The following NRP2 variants were observed in gnomAD, a reference collection of about 807,000 sequenced individuals.
NRP2 encodes neuropilin-2.
NRP2 carries 52 observed loss-of-function variants against 110.4 expected under a neutral mutation model. That is an observed-to-expected ratio of 0.47 (90% CI 0.38 to 0.59). The LOEUF is 0.59. Among genes scored for constraint, NRP2 ranks in the 20% least tolerant of loss-of-function variants. The pLI is 0.00. For synonymous variants in NRP2, 508 were observed against 468.9 expected (o/e 1.08, Z -1.08); for missense variants, 1,049 against 1,203.0 (o/e 0.87, Z 1.89).
chr2:205,695,337 G>A (rs1182995347), intron 1 of NRP2, among the ~76,000 whole-genome samples: 1 of 152,194 alleles, frequency 6.6e-6, no homozygotes, highest in Admixed American at 6.5e-5. Context: ...TTCTGCTGTA[G>A]ATGAGAAATT....
At chr2:205,758,385 G>T (rs918193169) in intron 12 of NRP2, among the ~76,000 whole-genome samples, 1 of 152,196 alleles carries the variant, frequency 6.6e-6, no homozygotes, top group Admixed American at 6.5e-5. Context: ...TTATTTCAGG[G>T]TTTGGTGAGG....
At chr2:205,715,285 T>G (rs142582908) in intron 2 of NRP2, among the ~76,000 whole-genome samples, 4 of 152,270 alleles carry the variant, frequency 2.6e-5, no homozygotes, top group Non-Finnish European at 5.9e-5. Context: ...CACCTTCCCA[T>G]GAACGGAGCC....
At position 205,794,938 on chromosome 2, in the gene NRP2, T is replaced by C; in HGVS notation, c.2661T>C (p.Cys887=). Residue 887 remains cysteine (C), a synonymous_variant, in exon 17 of 17, where the codon TGT becomes TGC. Coordinates refer to ENST00000357785, the MANE Select transcript of NRP2 (RefSeq NM_003872.3). ...TCAGLLLYCT[C]SYSGLSSRSC... ...CAGGCCTCCTGCTCTACTGCACCTG[T>C]TCCTACTCGGGCCTGAGCTCCCGAA... is the stretch of plus-strand genomic sequence containing the variant. The C allele has an allele frequency of 6.2e-7, 1 of 1,614,124 alleles. No individual in the cohort carries two copies.
intron 7 of NRP2, among the ~76,000 whole-genome samples, chr2:205,729,983 G>A (rs550293020): frequency 2.3e-3 from 351 of 152,136 alleles, no homozygotes; most frequent in Non-Finnish European, 3.8e-3. Context: ...TGAATTAGTC[G>A]TGCCCAAATA....
At chr2:205,756,947 A>G (rs1275802672) in intron 12 of NRP2, 2 of 152,212 alleles carry the variant, frequency 1.3e-5, no homozygotes, top group Non-Finnish European at 2.9e-5. Flanking sequence ...GTCAATAATC[A>G]TCATCATTGT....
intron 12 of NRP2, chr2:205,761,538 C>T (rs545337498): frequency 6.6e-6 from 1 of 152,308 alleles, no homozygotes; most frequent in African/African-American, 2.4e-5. Context: ...ATTAATGTTG[C>T]ATGTGCCAGA....
chr2:205,683,511 A>G (rs2056064135), intron 1 of NRP2, 148 bp downstream of exon 1: 3 of 686,646 alleles, frequency 4.4e-6, no homozygotes, highest in African/African-American at 1.8e-5. Context: ...GGCCCTTCCT[A>G]CACCACCACG....
chr2:205,765,523 T>C lies in NRP2; in HGVS notation c.2357T>C (p.Ile786Thr). The C allele has an allele frequency of 1.2e-6, 2 of 1,614,158 alleles. No individual in the cohort carries two copies. The highest frequency in any genetic ancestry group is 1.7e-6 in the Non-Finnish European group (2 of 1,180,022). The change falls in exon 14 of 17, where the codon ATT becomes ACT. Residue 786 changes from isoleucine (I) to threonine (T), a missense_variant. By Grantham distance (89) the Ile-to-Thr change is moderately conservative. Transcript: ENST00000357785. ...IGKGRSGEIA[I>T]DDIRISTDVP... ...AAAGGACGTTCCGGAGAGATTGCCA[T>C]TGATGACATTCGGATAAGCACTGAT...
Position 205,766,827 on chromosome 2 carries a change from A to T in NRP2, c.2425+24A>T, listed in dbSNP as rs1180835963. ...AGGTGAGAATTTTAAAGGTAAAAAAAAATTTTTTTTTTGCATGCTTTTTCC... is the reference window on the plus strand; with the variant it reads ...AGGTGAGAATTTTAAAGGTAAAAAATAATTTTTTTTTTGCATGCTTTTTCC... On this transcript the variant is annotated intron_variant, in intron 15 of 16. Coordinates refer to ENST00000357785, the MANE Select transcript of NRP2 (RefSeq NM_003872.3). 22 of 1,609,840 alleles carry T rather than the reference A, an allele frequency of 1.4e-5. No individual in the cohort carries two copies. The highest frequency in any genetic ancestry group is 1.7e-5 in the Non-Finnish European group (20 of 1,179,272).
intron 10 of NRP2, among the ~76,000 whole-genome samples, chr2:205,747,320 C>A (rs1227624793): frequency 2.0e-5 from 3 of 152,180 alleles, no homozygotes; most frequent in East Asian, 3.8e-4. Context: ...GGCTGCATAA[C>A]CTCAGAAAAG....
At chr2:205,698,507 T>G (rs371458859) in intron 2 of NRP2, among the ~76,000 whole-genome samples, 1 of 152,130 alleles carries the variant, frequency 6.6e-6, no homozygotes, top group African/African-American at 2.4e-5. Flanking sequence ...CCTGGAAATG[T>G]GTGGCTTAGG....
At position 205,725,959 on chromosome 2, in the gene NRP2, T is replaced by C; in HGVS notation, c.867T>C (p.Ala289=). The C allele has an allele frequency of 6.2e-7, 1 of 1,614,168 alleles. No homozygotes were observed. Among genetic ancestry groups the C allele is most frequent in the Non-Finnish European group, 8.5e-7 (1 of 1,180,012 alleles). ...TGGGCATGGAGTCTGGCCGGATTGC[T>C]AATGAACAGATCAGTGCCTCATCTA... ...VPLGMESGRI[A]NEQISASSTY... is the part of the protein sequence containing the mutation. Residue 289 remains alanine (A), a synonymous_variant, in exon 6 of 17, where the codon GCT becomes GCC. Transcript: ENST00000357785. The surrounding 1 kb of genome is among the most constrained non-coding windows in gnomAD (Gnocchi z 4.1).
chr2:205,765,371 C>A (rs200351644), intron 13 of NRP2, 103 bp from the exon 14 acceptor site: 2 of 772,206 alleles, frequency 2.6e-6, no homozygotes, highest in Middle Eastern at 2.4e-4. Flanking sequence ...CACACACATA[C>A]ACACACACGC....
chr2:205,740,550 T>C lies in NRP2; in HGVS notation c.1178T>C (p.Val393Ala). ...VFQANNDATE[V>A]VLNKLHAPLL... ...CAAGCCAACAACGATGCAACTGAGG[T>C]GGTTCTGAACAAGCTCCACGCTCCA... Residue 393 changes from valine to alanine, a missense_variant, in exon 8 of 17, where the codon GTG (valine) becomes GCG (alanine). Val to Ala is a moderately conservative substitution (Grantham distance 64). Coordinates refer to ENST00000357785, the MANE Select transcript of NRP2 (RefSeq NM_003872.3). 6.2e-7 allele frequency: 1 copy of C among 1,614,194 alleles called. No individual in the cohort carries two copies. Among genetic ancestry groups the C allele is most frequent in the Non-Finnish European group, 8.5e-7 (1 of 1,180,044 alleles).
At chr2:205,723,660 T>A in intron 4 of NRP2, 125 bp from the exon 5 acceptor site, 4 of 986,084 alleles carry the variant, frequency 4.1e-6, no homozygotes, top group Admixed American at 2.0e-5. Flanking sequence ...TATCTTTGGT[T>A]TTTATGGCAA....
intron 16 of NRP2, among the ~76,000 whole-genome samples, chr2:205,794,257 C>T (rs903030418): frequency 6.6e-6 from 1 of 152,084 alleles, no homozygotes; most frequent in African/African-American, 2.4e-5. Context: ...ACTACAGGCG[C>T]CCGCCACCAC....
At chr2:205,781,920 G>T (rs1038620180) in intron 15 of NRP2, among the ~76,000 whole-genome samples, 1 of 152,146 alleles carries the variant, frequency 6.6e-6, no homozygotes, top group African/African-American at 2.4e-5. Flanking sequence ...ATAGAGGTCA[G>T]ATACAATCAG....
chr2:205,739,080 A>G (rs2057395195), intron 7 of NRP2, among the ~76,000 whole-genome samples: 2 of 152,140 alleles, frequency 1.3e-5, no homozygotes, highest in Admixed American at 6.5e-5. Context: ...GCTCTTTGCC[A>G]TTACTCAAAG....
chr2:205,776,119 C>T (rs746247155), intron 15 of NRP2: 4 of 931,844 alleles, frequency 4.3e-6, no homozygotes, highest in Non-Finnish European at 7.0e-6. Context: ...TGAGTACCAC[C>T]TTAGTCCCCC....
Sources: gnomAD v4.1 joint callset for allele counts (sites outside exome capture counted in the v4.1 genomes callset) on GRCh38, gnomAD v4.1.1 for gene constraint, Gnocchi (gnomAD v3.1) non-coding constraint, MANE v1.5 for transcripts, NCBI Gene and HGNC (gene_info 2026-07-23, HGNC 2026-07-21) for gene names.